CYTH1: variants seen among roughly 807,000 people sequenced by gnomAD.
CYTH1 encodes cytohesin 1.
Under a neutral mutation model 61.8 loss-of-function variants are expected in CYTH1, and 18 were observed. The ratio of observed to expected loss-of-function variants is 0.29; its 90% confidence interval spans 0.20 to 0.43. The LOEUF (loss-of-function observed/expected upper bound fraction) is 0.43. CYTH1 is among the 20% of genes least tolerant of loss of function. CYTH1 has a pLI of 1.00. For synonymous variants in CYTH1, 174 were observed against 184.3 expected (o/e 0.94, Z 0.45); for missense variants, 336 against 510.5 (o/e 0.66, Z 3.29).
At chr17:78,779,078 A>C (rs1186916788) in intron 1 of CYTH1, among the ~76,000 whole-genome samples, 1 of 152,192 alleles carries the variant, frequency 6.6e-6, no homozygotes, top group African/African-American at 2.4e-5. Context: ...TAGTTCCTCC[A>C]AAATAAAAGG....
At chr17:78,679,239 T>TC (rs1397239243) in intron 13 of CYTH1, among the ~76,000 whole-genome samples, 1 of 152,224 alleles carries the variant, frequency 6.6e-6, no homozygotes, top group Non-Finnish European at 1.5e-5. Flanking sequence ...ATTCTCCCTG[T>TC]CTTCCAGGTG....
intron 1 of CYTH1, among the ~76,000 whole-genome samples, chr17:78,760,831 T>C (rs951482671): frequency 2.0e-5 from 3 of 151,846 alleles, no homozygotes; most frequent in Non-Finnish European, 4.4e-5. Flanking sequence ...CTCCTCAACT[T>C]ACAATGGGGT....
chr17:78,763,012 T>C (rs1402655264), intron 1 of CYTH1, among the ~76,000 whole-genome samples: 1 of 152,164 alleles, frequency 6.6e-6, no homozygotes, highest in Non-Finnish European at 1.5e-5. Flanking sequence ...ACAATGGAAA[T>C]GTCCGTCCGG....
At chr17:78,731,108 TAGTC>T (rs529376305) in intron 1 of CYTH1, among the ~76,000 whole-genome samples, 178 of 152,216 alleles carry the variant, frequency 1.2e-3, no homozygotes, top group African/African-American at 3.5e-3. Flanking sequence ...ACGCATCACA[TAGTC>T]AGGAGAAAAA....
At chr17:78,778,399 A>G (rs2144782300) in intron 1 of CYTH1, among the ~76,000 whole-genome samples, 1 of 150,974 alleles carries the variant, frequency 6.6e-6, no homozygotes, top group Non-Finnish European at 1.5e-5. Flanking sequence ...GCACTTTGGG[A>G]GGCCAAGGCA....
intron 1 of CYTH1, chr17:78,736,977 G>A (rs183839033): frequency 6.4e-6 from 1 of 156,476 alleles, no homozygotes; most frequent in Non-Finnish European, 1.4e-5. Context: ...TCCTGAAGTC[G>A]AGCTCAAGCA....
intron 1 of CYTH1, among the ~76,000 whole-genome samples, chr17:78,777,049 T>TGGGAGGCGGAGGTTGCG (rs1183822858): frequency 1.3e-5 from 2 of 150,856 alleles, no homozygotes; most frequent in Admixed American, 6.6e-5. Flanking sequence ...TGCTTGAATC[T>TGGGAGGCGGAGGTTGCG]GGGAGGCGGA....
intron 1 of CYTH1, among the ~76,000 whole-genome samples, chr17:78,718,021 T>G (rs2093196529): frequency 6.6e-6 from 1 of 152,042 alleles, no homozygotes; most frequent in South Asian, 2.1e-4. Flanking sequence ...TTTTATAAAG[T>G]AATTAAGGAG....
intron 1 of CYTH1, among the ~76,000 whole-genome samples, chr17:78,721,838 G>A (rs1198587276): frequency 1.3e-5 from 2 of 152,278 alleles, no homozygotes; most frequent in African/African-American, 2.4e-5. Context: ...GAGGTAAGGA[G>A]TTCGAGACCA....
chr17:78,727,108 A>C (rs1475234845), intron 1 of CYTH1, among the ~76,000 whole-genome samples: 3 of 152,228 alleles, frequency 2.0e-5, no homozygotes, highest in Admixed American at 6.5e-5. Flanking sequence ...AATACATTCA[A>C]ATCTCGCAGT....
chr17:78,779,070 G>A (rs1280897493), intron 1 of CYTH1, among the ~76,000 whole-genome samples: 2 of 152,120 alleles, frequency 1.3e-5, no homozygotes, highest in East Asian at 1.9e-4. Context: ...AATCTTTTTA[G>A]TTCCTCCAAA....
At chr17:78,738,626 TAAA>T (rs139579890) in intron 1 of CYTH1, among the ~76,000 whole-genome samples, 13 of 145,170 alleles carry the variant, frequency 9.0e-5, no homozygotes, top group African/African-American at 2.5e-4. Flanking sequence ...TGCATATATT[TAAA>T]AAAAAAAAAC....
chr17:78,711,314 T>TACACAC (rs71365530), intron 1 of CYTH1, among the ~76,000 whole-genome samples: 102 of 142,480 alleles, frequency 7.2e-4, no homozygotes, highest in Middle Eastern at 3.5e-3. Context: ...TATATATATA[T>TACACAC]ACACACACAC....
intron 1 of CYTH1, among the ~76,000 whole-genome samples, chr17:78,715,078 G>A (rs569117994): frequency 2.6e-5 from 4 of 152,006 alleles, no homozygotes; most frequent in Non-Finnish European, 4.4e-5. Context: ...AAATAAACTC[G>A]GTTGAATAAA....
intron 1 of CYTH1, among the ~76,000 whole-genome samples, chr17:78,760,076 C>T (rs1357876826): frequency 6.6e-6 from 1 of 151,758 alleles, no homozygotes; most frequent in Non-Finnish European, 1.5e-5. Context: ...TGAAAGATTC[C>T]TCCAGGGATT....
At chr17:78,719,443 CGAG>C (rs894642615) in intron 1 of CYTH1, among the ~76,000 whole-genome samples, 5 of 152,050 alleles carry the variant, frequency 3.3e-5, no homozygotes, top group Non-Finnish European at 7.4e-5. Flanking sequence ...AAAAAACAGT[CGAG>C]GAGTCAAAGA....
rs563477958 is a variant in CYTH1, at chr17:78,685,424, T to C, written c.892-4382A>G. On this transcript the variant is annotated intron_variant, in intron 11 of 13. Coordinates refer to ENST00000446868, the MANE Select transcript of CYTH1 (RefSeq NM_004762.6). ...CCTGCAGCCACAATTTCTGGTTAAT[T>C]AGTATTTGTTTTATATTTAAGCATA... 3.9e-5 allele frequency among the ~76,000 whole-genome samples: 6 copies of C among 152,188 alleles called. No homozygotes were observed. The South Asian group carries it at 1.2e-3, about 32-fold the overall frequency.
rs2092899395 is a variant in CYTH1 at position 78,692,567 on chromosome 17, C to G, written c.815-74G>C. 7.1e-6 allele frequency: 10 copies of G among 1,418,102 alleles called. No homozygotes were observed. In the South Asian group the frequency reaches 1.2e-4, roughly 16 times the overall value. 87.8% of individuals were successfully genotyped at this position (1,418,102 alleles called of 1,614,324 possible). A position where few individuals can be genotyped will look rare whatever the true frequency, so the allele number is the denominator to read the frequency against. ...TGCAGGCTCCACGACACACACGACA[C>G]CCTCTCTTCTCAGAGAGGGTTGGGG... On this transcript the variant is annotated intron_variant, in intron 10 of 13. Transcript: ENST00000446868.
At chr17:78,766,449 T>C (rs1052447453) in intron 1 of CYTH1, among the ~76,000 whole-genome samples, 1 of 152,186 alleles carries the variant, frequency 6.6e-6, no homozygotes, top group Non-Finnish European at 1.5e-5. Context: ...TGAGTAATTC[T>C]TGTTGCCACA....
Sources: allele counts gnomAD v4.1 joint callset (sites outside exome capture counted in the v4.1 genomes callset), GRCh38; gene constraint gnomAD v4.1.1; transcripts MANE v1.5; gene names NCBI Gene and HGNC (gene_info 2026-07-23, HGNC 2026-07-21).